The following LRMDA variants were observed in gnomAD, a reference collection of about 807,000 sequenced individuals.
LRMDA encodes leucine rich melanocyte differentiation associated.
In LRMDA, 18 loss-of-function variants were observed where a neutral mutation model predicts 29.8. The ratio of observed to expected loss-of-function variants is 0.60; its 90% CI spans 0.42 to 0.90. The LOEUF is 0.90. LRMDA is among the 40% of genes least tolerant of loss of function. The pLI is 0.00. For missense variants in LRMDA, 273 were observed against 273.9 expected (o/e 1.00, Z 0.02); for synonymous variants, 125 against 109.4 (o/e 1.14, Z -0.89).
intron 6 of LRMDA, among the ~76,000 whole-genome samples, chr10:76,369,184 T>C (rs911090997): frequency 5.9e-5 from 9 of 152,216 alleles, no homozygotes; most frequent in Admixed American, 5.9e-4. Context: ...TTTTGCTTTT[T>C]AACTTGTATT....
At chr10:75,882,243 T>A (rs1351822537) in intron 2 of LRMDA, among the ~76,000 whole-genome samples, 1 of 152,196 alleles carries the variant, frequency 6.6e-6, no homozygotes, top group Non-Finnish European at 1.5e-5. Flanking sequence ...CCAGGAATCT[T>A]ATTTTTTTTA....
chr10:76,048,160 A>T (rs988228180), intron 4 of LRMDA, among the ~76,000 whole-genome samples: 1 of 152,210 alleles, frequency 6.6e-6, no homozygotes, highest in Non-Finnish European at 1.5e-5. Context: ...CACTCTTAAA[A>T]ATAACTTAAT....
chr10:75,946,557 G>T (rs924544940), intron 2 of LRMDA, among the ~76,000 whole-genome samples: 1 of 152,094 alleles, frequency 6.6e-6, no homozygotes, highest in Admixed American at 6.5e-5. Context: ...GTGAAAGGTC[G>T]CACAACCTCT....
intron 5 of LRMDA, among the ~76,000 whole-genome samples, chr10:76,077,343 G>A (rs1423336013): frequency 6.6e-6 from 1 of 152,124 alleles, no homozygotes; most frequent in Admixed American, 6.5e-5. Context: ...TGAAATTTTG[G>A]ATGCACTAGA....
chr10:75,889,978 G>C (rs1274133298), intron 2 of LRMDA, among the ~76,000 whole-genome samples: 1 of 152,178 alleles, frequency 6.6e-6, no homozygotes, highest in African/African-American at 2.4e-5. Flanking sequence ...AGATGTTCTG[G>C]CTATTGGTGC....
At chr10:75,963,397 C>G (rs1024821131) in intron 2 of LRMDA, among the ~76,000 whole-genome samples, 1 of 152,224 alleles carries the variant, frequency 6.6e-6, no homozygotes, top group East Asian at 1.9e-4. Flanking sequence ...CCCGTATCAT[C>G]AACTGCAGGA....
chr10:75,946,164 G>C (rs1026653137), intron 2 of LRMDA, among the ~76,000 whole-genome samples: 1 of 152,112 alleles, frequency 6.6e-6, no homozygotes, highest in Non-Finnish European at 1.5e-5. Flanking sequence ...TCTTCCACTT[G>C]GCCCACTTGA....
chr10:75,707,743 T>C (rs1842387297), intron 2 of LRMDA, among the ~76,000 whole-genome samples: 1 of 152,176 alleles, frequency 6.6e-6, no homozygotes, highest in Admixed American at 6.5e-5. Flanking sequence ...GGTGGCCGTG[T>C]TGTTTGGGTC....
At chr10:75,674,183 G>T (rs1042129648) in intron 2 of LRMDA, among the ~76,000 whole-genome samples, 2 of 152,128 alleles carry the variant, frequency 1.3e-5, no homozygotes. Flanking sequence ...TTTTAAAGAA[G>T]ATATTATACC....
intron 6 of LRMDA, chr10:76,433,713 T>A (rs1226534255): frequency 6.6e-6 from 1 of 152,326 alleles, no homozygotes; most frequent in Non-Finnish European, 1.5e-5. Context: ...TGTTTTCCTC[T>A]AGCCCCAGCC....
chr10:75,955,401 T>C (rs960679504), intron 2 of LRMDA, among the ~76,000 whole-genome samples: 1 of 152,180 alleles, frequency 6.6e-6, no homozygotes, highest in African/African-American at 2.4e-5. Context: ...GAATCTGTGA[T>C]TAAACATGAG....
At chr10:75,740,927 A>G (rs561986543) in intron 2 of LRMDA, among the ~76,000 whole-genome samples, 1 of 152,218 alleles carries the variant, frequency 6.6e-6, no homozygotes, top group East Asian at 1.9e-4. Context: ...ATATATATAT[A>G]TATGGAATTT....
At chr10:76,544,658 AC>A (rs1280814945) in intron 6 of LRMDA, among the ~76,000 whole-genome samples, 1 of 151,906 alleles carries the variant, frequency 6.6e-6, no homozygotes, top group African/African-American at 2.4e-5. Flanking sequence ...TCCTTAACCT[AC>A]AGTTTCTTGC....
chr10:76,007,721 C>A (rs1164311237), intron 2 of LRMDA, among the ~76,000 whole-genome samples: 1 of 152,120 alleles, frequency 6.6e-6, no homozygotes, highest in East Asian at 1.9e-4. Context: ...CCCTTGTGCA[C>A]CGGTATGAGA....
chr10:75,643,638 A>G (rs1003667339), intron 2 of LRMDA, among the ~76,000 whole-genome samples: 3 of 152,250 alleles, frequency 2.0e-5, no homozygotes, highest in African/African-American at 7.2e-5. Flanking sequence ...ATGCCACATC[A>G]GATTTCTGTT....
chr10:76,225,001 C>T (rs901671857), intron 5 of LRMDA, among the ~76,000 whole-genome samples: 4 of 151,810 alleles, frequency 2.6e-5, no homozygotes, highest in Non-Finnish European at 5.9e-5. Context: ...AAGTAAAGTC[C>T]CAGCTAGTAT....
rs1457310363 is a variant in LRMDA, at chr10:76,143,339, T to C, written c.516+84556T>C. On this transcript the variant is annotated intron_variant, in intron 5 of 6. Coordinates refer to ENST00000611255, the MANE Select transcript of LRMDA (RefSeq NM_001305581.2). Reference sequence around the variant, plus strand: ...TAAAAGTGTTCCTATTTCTCCACATTCTCTCCAGCACCTGTTGTTTCCTGA... The same window carrying C: ...TAAAAGTGTTCCTATTTCTCCACATCCTCTCCAGCACCTGTTGTTTCCTGA... 1.6e-3 allele frequency among the ~76,000 whole-genome samples: 248 copies of C among 152,180 alleles called. 3 individuals carry two copies. Among genetic ancestry groups the C allele is most frequent in the Non-Finnish European group, 3.4e-4 (23 of 67,996 alleles).
intron 6 of LRMDA, among the ~76,000 whole-genome samples, chr10:76,530,760 A>G (rs1843224830): frequency 6.6e-6 from 1 of 152,230 alleles, no homozygotes. Flanking sequence ...ATGGAATGAA[A>G]CACAAAATGT....
intron 5 of LRMDA, among the ~76,000 whole-genome samples, chr10:76,305,074 G>T (rs1840535187): frequency 1.3e-5 from 2 of 152,146 alleles, no homozygotes; most frequent in South Asian, 4.1e-4. Flanking sequence ...AACCATCTGG[G>T]TTACAGGTCT....
Sources: gnomAD v4.1 joint callset for allele counts (sites outside exome capture counted in the v4.1 genomes callset) on GRCh38, gnomAD v4.1.1 for gene constraint, MANE v1.5 for transcripts, NCBI Gene and HGNC (gene_info 2026-07-23, HGNC 2026-07-21) for gene names.